The following TAMM41 variants were observed in gnomAD, a reference collection of about 807,000 sequenced individuals.
The protein encoded by TAMM41 is phosphatidate cytidylyltransferase, mitochondrial.
In TAMM41, 36 loss-of-function variants were observed where a neutral mutation model predicts 44.1. That is an observed-to-expected ratio of 0.82 (90% CI 0.63 to 1.08). The LOEUF is 1.08. Ranked by LOEUF, TAMM41 falls within the 50% of genes least tolerant of loss-of-function variation. The pLI is 0.00. For synonymous variants in TAMM41, 164 were observed against 153.1 expected (o/e 1.07, Z -0.53); for missense variants, 417 against 404.3 (o/e 1.03, Z -0.27).
intron 6 of TAMM41, chr3:11,808,372 C>T (rs1405201152): frequency 1.0e-6 from 1 of 998,456 alleles, no homozygotes; most frequent in Non-Finnish European, 1.2e-6. Context: ...TTGCCAGGAT[C>T]ATGTTCAAAC....
chr3:11,819,180 A>AC, intron 4 of TAMM41, among the ~76,000 whole-genome samples: 1 of 152,312 alleles, frequency 6.6e-6, no homozygotes, highest in African/African-American at 2.4e-5. Flanking sequence ...GAAGCAAGAA[A>AC]CCCCATCTCT....
chr3:11,826,118 T>G (rs1469525957), intron 4 of TAMM41, among the ~76,000 whole-genome samples: 1 of 152,102 alleles, frequency 6.6e-6, no homozygotes, highest in Non-Finnish European at 1.5e-5. Context: ...TGTCCATCAA[T>G]CACTGGATGA....
intron 5 of TAMM41, among the ~76,000 whole-genome samples, chr3:11,816,494 T>G (rs2078281987): frequency 6.6e-6 from 1 of 152,182 alleles, no homozygotes; most frequent in Non-Finnish European, 1.5e-5. Flanking sequence ...CTGGGTGCAG[T>G]GGCTCATCCC....
the TAMM41 span, among the ~76,000 whole-genome samples, chr3:11,785,407 C>A: frequency 6.6e-5 from 10 of 152,110 alleles, no homozygotes; most frequent in Non-Finnish European, 1.3e-4. Context: ...CTCACTGCAA[C>A]CTCCACCTCC....
chr3:11,844,159 G>C lies in TAMM41; in HGVS notation c.188C>G (p.Ser63Ter). The change falls in exon 2 of 8, where the codon TCA (serine) becomes TGA (stop). Residue 63 changes from serine to a stop codon, truncating the protein, a stop_gained. Coordinates refer to ENST00000455809, the MANE Select transcript of TAMM41 (RefSeq NM_001284401.2). LOFTEE classifies it high-confidence loss of function. ...FTVDDPVAWHSKNLKKNWSHY... is the reference protein window; with the variant it reads ...FTVDDPVAWH Reference sequence around the variant, plus strand: ...ACTCCAATTTTTCTTCAGGTTCTTTGAATGCCATGCGACAGGGTCATCTAC... The same window carrying C: ...ACTCCAATTTTTCTTCAGGTTCTTTCAATGCCATGCGACAGGGTCATCTAC... The C allele has an allele frequency of 6.2e-7, 1 of 1,614,158 alleles. No individual in the cohort carries two copies. Among genetic ancestry groups the C allele is most frequent in the African/African-American group, 1.3e-5 (1 of 75,034 alleles).
chr3:11,744,745 G>GCC, the TAMM41 span, among the ~76,000 whole-genome samples: 2 of 152,024 alleles, frequency 1.3e-5, no homozygotes, highest in East Asian at 3.9e-4. Context: ...ACAGAAAATA[G>GCC]ATTGGGCATG....
At position 11,844,191 on chromosome 3, in the gene TAMM41, C is replaced by A. The variant is rs779034938; in HGVS notation, c.156G>T (p.Val52=). The A allele has an allele frequency of 1.6e-5, 26 of 1,613,978 alleles. No individual in the cohort carries two copies. The Admixed American group carries it at 2.2e-4, about 13-fold the overall frequency. The change falls in exon 2 of 8, where the codon GTG becomes GTT. Residue 52 remains valine, a synonymous_variant. Transcript: ENST00000455809. Reference sequence around the variant, plus strand: ...ATGCGACAGGGTCATCTACTGTGAACACAAAGTCCAGCATAGCATTCTGTG... The same window carrying A: ...ATGCGACAGGGTCATCTACTGTGAAAACAAAGTCCAGCATAGCATTCTGTG... ...SDQKNAMLDF[V]FTVDDPVAWH... is the part of the protein sequence containing the mutation.
At chr3:11,787,278 G>C (rs2077423074), downstream of TAMM41, among the ~76,000 whole-genome samples, 1 of 152,182 alleles carries the variant, frequency 6.6e-6, no homozygotes, top group Non-Finnish European at 1.5e-5. Flanking sequence ...CATTCAAGGA[G>C]GGAAAATGAA....
the TAMM41 span, among the ~76,000 whole-genome samples, chr3:11,747,646 G>C: frequency 6.6e-6 from 1 of 151,390 alleles, no homozygotes; most frequent in African/African-American, 2.4e-5. Flanking sequence ...GTGTGCGCCT[G>C]TAGTCCCAGC....
In TAMM41 at chr3:11,808,127, C is replaced by T. The variant is rs1274687308; in HGVS notation, c.875-232G>A. 47 of 1,027,580 alleles carry T rather than the reference C, an allele frequency of 4.6e-5. 1 individual carries two copies. The South Asian group carries it at 6.7e-4, about 15-fold the overall frequency. The allele number at this position is 1,027,580 out of a possible 1,614,324, so 63.7% of individuals were successfully genotyped here. On this transcript the variant is annotated intron_variant, in intron 6 of 7. Coordinates refer to ENST00000455809, the MANE Select transcript of TAMM41 (RefSeq NM_001284401.2). The stretch of plus-strand genomic sequence containing the variant: ...GGCTGTGTGAGTCCAAGCCGATGAC[C>T]GAACAGCTCTGTGCCTCTTCCCCTT...
At chr3:11,829,941 A>C (rs1465061465) in intron 3 of TAMM41, 77 bp from the exon 4 acceptor site, 6 of 1,365,238 alleles carry the variant, frequency 4.4e-6, no homozygotes, top group Non-Finnish European at 6.2e-6. Flanking sequence ...AATGCACTGG[A>C]ACTATCTCAA....
the TAMM41 span, among the ~76,000 whole-genome samples, chr3:11,761,946 CAAA>C: frequency 7.1e-4 from 53 of 75,020 alleles, no homozygotes; most frequent in Admixed American, 1.0e-3. Context: ...GACTCTGTCT[CAAA>C]AAAAAAAAAA....
At chr3:11,826,703 A>G (rs1052981102) in intron 4 of TAMM41, 3 of 38 alleles carry the variant, frequency 0.079, no homozygotes, top group Admixed American at 0.38. Context: ...AACAAAAAAG[A>G]AAGGTTCAAG....
chr3:11,745,741 C>T, the TAMM41 span, among the ~76,000 whole-genome samples: 1 of 152,138 alleles, frequency 6.6e-6, no homozygotes, highest in Non-Finnish European at 1.5e-5. Context: ...GAAGAAAGAT[C>T]TGTGGATACA....
the TAMM41 span, among the ~76,000 whole-genome samples, chr3:11,768,251 C>T: frequency 1.3e-5 from 2 of 151,962 alleles, no homozygotes; most frequent in East Asian, 1.9e-4. Context: ...ATCCTCTCAC[C>T]TCTGTCTCCT....
At chr3:11,818,875 G>T (rs1181724246) in intron 4 of TAMM41, among the ~76,000 whole-genome samples, 1 of 147,332 alleles carries the variant, frequency 6.8e-6, no homozygotes, top group African/African-American at 2.6e-5. Flanking sequence ...TCCAGCCTGG[G>T]TGATGAAGCA....
chr3:11,737,110 C>G, the TAMM41 span, among the ~76,000 whole-genome samples: 3 of 151,932 alleles, frequency 2.0e-5, no homozygotes, highest in African/African-American at 7.3e-5. Context: ...TCCAGCCTTC[C>G]CATCTGTTCT....
chr3:11,742,589 CTT>C, the TAMM41 span, among the ~76,000 whole-genome samples: 8 of 135,718 alleles, frequency 5.9e-5, no homozygotes, highest in South Asian at 2.3e-4. Flanking sequence ...CCATCGCTTG[CTT>C]TTTTTTTTTT....
At chr3:11,770,669 C>A in the TAMM41 span, among the ~76,000 whole-genome samples, 2 of 152,102 alleles carry the variant, frequency 1.3e-5, no homozygotes, top group African/African-American at 2.4e-5. Flanking sequence ...TGGCTGGCAG[C>A]TGAGACCGGC....
Sources: allele counts gnomAD v4.1 joint callset (sites outside exome capture counted in the v4.1 genomes callset), GRCh38; gene constraint gnomAD v4.1.1; transcripts MANE v1.5; gene names NCBI Gene and HGNC (gene_info 2026-07-23, HGNC 2026-07-21).